PDGFC: variants seen among roughly 807,000 people sequenced by gnomAD.
The protein encoded by PDGFC is platelet derived growth factor C, also known as platelet-derived growth factor C.
A neutral mutation model predicts 35.5 loss-of-function variants in PDGFC; 12 were observed. The ratio of observed to expected loss-of-function variants is 0.34; its 90% CI spans 0.22 to 0.55. PDGFC has a LOEUF of 0.55. Ranked by LOEUF, PDGFC falls within the 20% of genes least tolerant of loss-of-function variation. PDGFC has a pLI of 0.91. For synonymous variants in PDGFC, 159 were observed against 148.8 expected (o/e 1.07, Z -0.50); for missense variants, 322 against 412.4 (o/e 0.78, Z 1.90).
rs149581531 is a variant in PDGFC at position 156,768,103 on chromosome 4, C to T, written c.704-113G>A. On this transcript the variant is annotated intron_variant, in intron 4 of 5. Transcript: ENST00000502773. ...CTTACGTTATTTCATGAACAATATC[C>T]ATAACAATATCCGCTCTTATTGTAA... is the stretch of plus-strand genomic sequence containing the variant. 1.7e-3 allele frequency: 1,220 copies of T among 706,566 alleles called. 10 individuals are homozygous for T. In the African/African-American group the frequency reaches 0.018, roughly 10 times the overall value. The allele number at this position is 706,566 out of a possible 1,614,324, so 43.8% of individuals were successfully genotyped here. A position where few individuals can be genotyped will look rare whatever the true frequency, so the allele number is the denominator to read the frequency against.
chr4:156,923,879 A>T (rs1301234278), intron 1 of PDGFC, among the ~76,000 whole-genome samples: 1 of 152,204 alleles, frequency 6.6e-6, no homozygotes, highest in Non-Finnish European at 1.5e-5. Flanking sequence ...ACAGAAAAGC[A>T]GTAAACAGGG....
intron 1 of PDGFC, among the ~76,000 whole-genome samples, chr4:156,912,691 T>A (rs1281593750): frequency 2.0e-5 from 3 of 152,142 alleles, no homozygotes; most frequent in Non-Finnish European, 1.5e-5. Context: ...AAATGAATCA[T>A]CATAATCTTA....
intron 3 of PDGFC, among the ~76,000 whole-genome samples, chr4:156,787,732 AG>A (rs1731167285): frequency 6.6e-6 from 1 of 152,138 alleles, no homozygotes; most frequent in Non-Finnish European, 1.5e-5. Context: ...AGATGGAGTA[AG>A]GAAGACAAAC....
At chr4:156,929,596 G>A (rs1731502157) in intron 1 of PDGFC, among the ~76,000 whole-genome samples, 1 of 152,056 alleles carries the variant, frequency 6.6e-6, no homozygotes, top group South Asian at 2.1e-4. Context: ...ACACAAAAGA[G>A]TTATCCAAAG....
intron 1 of PDGFC, among the ~76,000 whole-genome samples, chr4:156,867,510 G>A (rs776627789): frequency 6.6e-6 from 1 of 152,158 alleles, no homozygotes; most frequent in Non-Finnish European, 1.5e-5. Context: ...AAAGGGGTGC[G>A]CACAGAGCTA....
intron 1 of PDGFC, among the ~76,000 whole-genome samples, chr4:156,864,503 G>A (rs1457296493): frequency 6.6e-6 from 1 of 152,046 alleles, no homozygotes; most frequent in East Asian, 1.9e-4. Flanking sequence ...GGCTTGACTT[G>A]GGAAAAACGT....
At chr4:156,939,193 T>C (rs1217268817) in intron 1 of PDGFC, among the ~76,000 whole-genome samples, 1 of 152,128 alleles carries the variant, frequency 6.6e-6, no homozygotes. Flanking sequence ...CTTAATGGTA[T>C]GCCAAGCTCT....
At chr4:156,885,959 T>C (rs891498615) in intron 1 of PDGFC, among the ~76,000 whole-genome samples, 1 of 152,160 alleles carries the variant, frequency 6.6e-6, no homozygotes, top group South Asian at 2.1e-4. Flanking sequence ...CAAAATAATT[T>C]TGGCACTTCT....
In PDGFC at chr4:156,940,186, T is replaced by C. The variant is rs543300085; in HGVS notation, c.118+30600A>G. Among the ~76,000 whole-genome samples the C allele has an allele frequency of 3.5e-4, 54 of 152,262 alleles. No individual in the cohort carries two copies. The South Asian group carries it at 9.7e-3, about 27-fold the overall frequency. On this transcript the variant is annotated intron_variant, in intron 1 of 5. Coordinates refer to ENST00000502773, the MANE Select transcript of PDGFC (RefSeq NM_016205.3). ...CCTAGTTATTACATCAAATCAATTG[T>C]TTTCCAATTTCAAGATCAGCCTTTC...
At chr4:156,902,575 A>T (rs904408568) in intron 1 of PDGFC, among the ~76,000 whole-genome samples, 7 of 152,260 alleles carry the variant, frequency 4.6e-5, no homozygotes, top group African/African-American at 1.7e-4. Context: ...ACATGCAATT[A>T]ACTTTTTAAT....
chr4:156,873,873 T>G (rs1379588382), intron 1 of PDGFC: 1 of 152,160 alleles, frequency 6.6e-6, no homozygotes, highest in Non-Finnish European at 1.5e-5. Context: ...TAAATGACAG[T>G]CCTCTATACA....
chr4:156,933,687 A>C (rs1731606274), intron 1 of PDGFC, among the ~76,000 whole-genome samples: 2 of 152,110 alleles, frequency 1.3e-5, no homozygotes, highest in Admixed American at 6.5e-5. Context: ...TGTAATCCCC[A>C]CATATCAAGG....
chr4:156,822,674 G>A (rs1732301441), intron 2 of PDGFC, among the ~76,000 whole-genome samples: 1 of 152,116 alleles, frequency 6.6e-6, no homozygotes, highest in Admixed American at 6.5e-5. Flanking sequence ...CAGAGATTAT[G>A]TAACAAGGGA....
intron 1 of PDGFC, among the ~76,000 whole-genome samples, chr4:156,927,195 G>C (rs145892650): frequency 1.3e-5 from 2 of 152,104 alleles, no homozygotes; most frequent in Admixed American, 6.5e-5. Context: ...GCAGAGAGAC[G>C]CTGGGCCTGG....
chr4:156,816,031 C>T (rs1732077088), intron 2 of PDGFC, among the ~76,000 whole-genome samples: 1 of 152,140 alleles, frequency 6.6e-6, no homozygotes, highest in South Asian at 2.1e-4. Flanking sequence ...ACTGTGAGGC[C>T]ATGAGGACGT....
chr4:156,790,553 A>T (rs919982948), intron 3 of PDGFC, among the ~76,000 whole-genome samples: 6 of 152,226 alleles, frequency 3.9e-5, no homozygotes, highest in African/African-American at 9.6e-5. Flanking sequence ...ATGAATTTGG[A>T]TAGAATAAAC....
intron 1 of PDGFC, among the ~76,000 whole-genome samples, chr4:156,914,767 T>G (rs1251229418): frequency 1.3e-5 from 2 of 152,146 alleles, no homozygotes; most frequent in Admixed American, 1.3e-4. Context: ...GCCAGAGAAT[T>G]ATATGCTCAG....
At chr4:156,772,188 T>C (rs769665338) in intron 4 of PDGFC, among the ~76,000 whole-genome samples, 10 of 152,170 alleles carry the variant, frequency 6.6e-5, no homozygotes, top group African/African-American at 9.7e-5. Context: ...TGTTGGGTCG[T>C]TGCCATTTTT....
chr4:156,903,119 G>GTC (rs1730832395), intron 1 of PDGFC, among the ~76,000 whole-genome samples: 1 of 140,042 alleles, frequency 7.1e-6, no homozygotes, highest in South Asian at 3.0e-4. Flanking sequence ...GTGTGTGTGT[G>GTC]TGTGTGTGTG....
Sources: allele counts gnomAD v4.1 joint callset (sites outside exome capture counted in the v4.1 genomes callset), GRCh38; gene constraint gnomAD v4.1.1; transcripts MANE v1.5; gene names NCBI Gene and HGNC (gene_info 2026-07-23, HGNC 2026-07-21).